The following TNS3 variants were observed in gnomAD, a reference collection of about 807,000 sequenced individuals.
TNS3 encodes tensin-3.
In TNS3, 45 loss-of-function variants were observed where a neutral mutation model predicts 140.9. The ratio of observed to expected loss-of-function variants is 0.32; its 90% confidence interval spans 0.25 to 0.41. The LOEUF (loss-of-function observed/expected upper bound fraction) is 0.41. Ranked by LOEUF, TNS3 falls within the 10% of genes least tolerant of loss-of-function variation. The probability of loss-of-function intolerance (pLI) is 1.00; values close to 1 mark genes in which losing one functional copy is unlikely to be tolerated. For synonymous variants in TNS3, 815 were observed against 788.4 expected, an observed-to-expected ratio of 1.03 and a Z score of -0.56; for missense variants, 1,716 against 1,906.7, an observed-to-expected ratio of 0.90 and a Z score of 1.86.
intron 4 of TNS3, among the ~76,000 whole-genome samples, chr7:47,466,323 T>C (rs1345999495): frequency 6.6e-6 from 1 of 151,956 alleles, no homozygotes; most frequent in Non-Finnish European, 1.5e-5. Context: ...CAGCTAATTT[T>C]TGTATTTTTA....
At chr7:47,379,271 G>A (rs1225174924) in intron 16 of TNS3, among the ~76,000 whole-genome samples, 5 of 152,190 alleles carry the variant, frequency 3.3e-5, no homozygotes, top group African/African-American at 9.7e-5. Context: ...TTCTCAAGGG[G>A]CGTTGTATTA....
Position 47,280,385 on chromosome 7 carries a change from C to T in TNS3, c.4098-31G>A, listed in dbSNP as rs779563572. The T allele has an allele frequency of 6.3e-5, 102 of 1,609,596 alleles. No homozygotes were observed. In the Middle Eastern group the frequency reaches 6.6e-4, roughly 10 times the overall value. On this transcript the variant is annotated intron_variant, in intron 28 of 30. Transcript: ENST00000311160. ...GGGACATGGGGGAGAGAGGATGGCT[C>T]CTGTTACTAGGGCTTTTGGGTGATG...
intron 1 of TNS3, among the ~76,000 whole-genome samples, chr7:47,554,602 A>C (rs1800148563): frequency 6.6e-6 from 1 of 152,202 alleles, no homozygotes; most frequent in Middle Eastern, 3.2e-3. Context: ...AGGAGCTGCA[A>C]ATGTGCTGGG....
At chr7:47,557,438 C>G (rs1800224709) in intron 1 of TNS3, among the ~76,000 whole-genome samples, 1 of 152,168 alleles carries the variant, frequency 6.6e-6, no homozygotes, top group Non-Finnish European at 1.5e-5. Context: ...TTTAATCTTT[C>G]AAATACAGGA....
intron 17 of TNS3, among the ~76,000 whole-genome samples, chr7:47,354,936 G>A (rs1368213865): frequency 5.9e-5 from 9 of 152,264 alleles, no homozygotes; most frequent in South Asian, 2.1e-4. Flanking sequence ...AGCTGTCTTC[G>A]CCCAAGCCTC....
intron 3 of TNS3, among the ~76,000 whole-genome samples, chr7:47,503,192 C>G (rs1476916062): frequency 6.6e-6 from 1 of 152,134 alleles, no homozygotes; most frequent in African/African-American, 2.4e-5. Context: ...ATACTCAATA[C>G]CCTACACAAA....
intron 17 of TNS3, among the ~76,000 whole-genome samples, chr7:47,363,015 T>TCC (rs1790452428): frequency 1.4e-3 from 2 of 1,418 alleles, no homozygotes; most frequent in East Asian, 0.017. Flanking sequence ...ATCACCATCA[T>TCC]CAGGGTCATC....
intron 4 of TNS3, among the ~76,000 whole-genome samples, chr7:47,456,156 G>A (rs1481564440): frequency 6.6e-6 from 1 of 152,214 alleles, no homozygotes; most frequent in Non-Finnish European, 1.5e-5. Context: ...GGACGACATA[G>A]GTGGAAATGT....
chr7:47,423,276 G>C (rs989262673), intron 10 of TNS3, among the ~76,000 whole-genome samples: 5 of 152,364 alleles, frequency 3.3e-5, no homozygotes, highest in African/African-American at 1.2e-4. Flanking sequence ...TGTGGGCTTT[G>C]AAATATGCCA....
chr7:47,412,569 G>C (rs2151417539), intron 12 of TNS3, among the ~76,000 whole-genome samples: 1 of 152,312 alleles, frequency 6.6e-6, no homozygotes, highest in East Asian at 1.9e-4. Flanking sequence ...AGTGAGTGGA[G>C]ATCGTGCCAG....
At chr7:47,496,534 C>T (rs575449817) in intron 3 of TNS3, among the ~76,000 whole-genome samples, 2 of 152,176 alleles carry the variant, frequency 1.3e-5, no homozygotes, top group Non-Finnish European at 2.9e-5. Context: ...GCCCGCTGCA[C>T]CCCCAGCAGG....
intron 2 of TNS3, among the ~76,000 whole-genome samples, chr7:47,522,891 G>A (rs1799039542): frequency 6.8e-6 from 1 of 147,098 alleles, no homozygotes; most frequent in Non-Finnish European, 1.5e-5. Context: ...TCGCGCCAAT[G>A]CACTCCAGCC....
chr7:47,481,645 A>G (rs1797423132), intron 3 of TNS3: 1 of 985,064 alleles, frequency 1.0e-6, no homozygotes, highest in Non-Finnish European at 1.2e-6. Flanking sequence ...GAATGTGGCA[A>G]TGTCAACCTG....
intron 1 of TNS3, among the ~76,000 whole-genome samples, chr7:47,577,044 G>A (rs545846316): frequency 5.3e-5 from 8 of 152,298 alleles, no homozygotes; most frequent in African/African-American, 1.9e-4. Flanking sequence ...CACACAAGAG[G>A]TGCCACGTCA....
At chr7:47,419,946 G>A (rs1292048979) in intron 10 of TNS3, among the ~76,000 whole-genome samples, 1 of 152,138 alleles carries the variant, frequency 6.6e-6, no homozygotes, top group East Asian at 1.9e-4. Flanking sequence ...GCTGATTTGG[G>A]TAGTAATAAA....
intron 2 of TNS3, among the ~76,000 whole-genome samples, chr7:47,528,313 C>T (rs1017161972): frequency 6.6e-6 from 1 of 152,178 alleles, no homozygotes; most frequent in African/African-American, 2.4e-5. Context: ...GAAGGAGGCA[C>T]TGAGGGGGAG....
chr7:47,415,236 C>T, intron 10 of TNS3, 30 bp from the exon 11 acceptor site: 2 of 1,496,096 alleles, frequency 1.3e-6, no homozygotes, highest in Non-Finnish European at 9.2e-7. Context: ...GTTACACTTC[C>T]CAGAAGTGTC....
chr7:47,413,325 C>A (rs1793892541), intron 12 of TNS3, among the ~76,000 whole-genome samples: 1 of 135,444 alleles, frequency 7.4e-6, no homozygotes, highest in African/African-American at 2.8e-5. Context: ...GATCTCGGCT[C>A]ACTGCAACCT....
chr7:47,463,268 A>T (rs1032749465), intron 4 of TNS3, among the ~76,000 whole-genome samples: 2 of 152,128 alleles, frequency 1.3e-5, no homozygotes, highest in African/African-American at 2.4e-5. Context: ...AATGTGGTGA[A>T]ACCCCATCTC....
Sources: gnomAD v4.1 joint callset for allele counts (sites outside exome capture counted in the v4.1 genomes callset) on GRCh38, gnomAD v4.1.1 for gene constraint, MANE v1.5 for transcripts, NCBI Gene and HGNC (gene_info 2026-07-23, HGNC 2026-07-21) for gene names.